MRPL54: variants seen among roughly 807,000 people sequenced by gnomAD.
MRPL54 encodes the protein mitochondrial ribosomal protein L54.
MRPL54 carries 12 observed loss-of-function variants against 15.6 expected under a neutral mutation model. The observed-to-expected ratio is 0.77, with a 90% CI of 0.49 to 1.24. The LOEUF (loss-of-function observed/expected upper bound fraction) is 1.24, where lower values mean the gene tolerates loss of function less well. Ranked by LOEUF, MRPL54 falls within the 50% of genes most tolerant of loss-of-function variation. The pLI is 0.00. For missense variants in MRPL54, 178 were observed against 186.8 expected (o/e 0.95, Z 0.28); for synonymous variants, 91 against 75.7 (o/e 1.20, Z -1.05).
rs180789193 is a variant in MRPL54 at position 3,764,945 on chromosome 19, T to G, written c.119-221T>G. Among the ~76,000 whole-genome samples the G allele has an allele frequency of 5.2e-3, 789 of 151,712 alleles. 3 individuals are homozygous for G. Among genetic ancestry groups the G allele is most frequent in the African/African-American group, 0.013 (556 of 41,386 alleles). ...TGGGAGGCTGAGGCAGGAGAATGGC[T>G]TGAACCCGGGAGGCGGAGCTTGCAG... On this transcript the variant is annotated intron_variant, in intron 1 of 2. Transcript: ENST00000330133.
intron 1 of MRPL54, among the ~76,000 whole-genome samples, 199 bp downstream of exon 1, chr19:3,763,017 G>T (rs1462806847): frequency 6.6e-6 from 1 of 152,264 alleles, no homozygotes; most frequent in African/African-American, 2.4e-5. Flanking sequence ...ATACTGTAGC[G>T]ATTGGACCCA....
Position 3,767,450 on chromosome 19 carries a change from G to T in MRPL54, c.*57G>T, listed in dbSNP as rs2037208358. 6.3e-7 allele frequency: 1 copy of T among 1,589,480 alleles called. No individual in the cohort carries two copies. Among genetic ancestry groups the T allele is most frequent in the Non-Finnish European group, 8.5e-7 (1 of 1,172,968 alleles). On this transcript the variant is annotated 3_prime_UTR_variant, in exon 3 of 3. Transcript: ENST00000330133. ...CCGAGGGCTTGCCGTTTTCCCGGAG[G>T]ACGTGGACTTTTGTGAGACAAGAGG...
chr19:3,767,457 A>G lies in MRPL54; in HGVS notation c.*64A>G, dbSNP rs1428866505. The G allele has an allele frequency of 3.2e-6, 5 of 1,585,544 alleles. No homozygotes were observed. Among genetic ancestry groups the G allele is most frequent in the Non-Finnish European group, 4.3e-6 (5 of 1,171,348 alleles). ...CTTGCCGTTTTCCCGGAGGACGTGG[A>G]CTTTTGTGAGACAAGAGGCGGCTCC... On this transcript the variant is annotated 3_prime_UTR_variant, in exon 3 of 3. Coordinates refer to ENST00000330133, the MANE Select transcript of MRPL54 (RefSeq NM_172251.3).
chr19:3,764,202 C>T (rs2145730906), intron 1 of MRPL54, among the ~76,000 whole-genome samples: 1 of 151,938 alleles, frequency 6.6e-6, no homozygotes, highest in Non-Finnish European at 1.5e-5. Context: ...CCTGCCTCAG[C>T]CTCCCAAGTA....
At chr19:3,763,642 G>A (rs370633436) in intron 1 of MRPL54, among the ~76,000 whole-genome samples, 2 of 151,010 alleles carry the variant, frequency 1.3e-5, no homozygotes, top group Non-Finnish European at 2.9e-5. Flanking sequence ...TGCCTGGCGC[G>A]GTAGCTCACG....
intron 2 of MRPL54, among the ~76,000 whole-genome samples, chr19:3,766,321 C>T (rs575446046): frequency 1.4e-4 from 21 of 152,242 alleles, no homozygotes; most frequent in Admixed American, 1.0e-3. Flanking sequence ...CCTCGTGATC[C>T]GCCTGCCCTG....
At chr19:3,764,369 C>T (rs1187456160) in intron 1 of MRPL54, among the ~76,000 whole-genome samples, 7 of 151,848 alleles carry the variant, frequency 4.6e-5, no homozygotes, top group African/African-American at 1.2e-4. Flanking sequence ...AGGCGTGAGC[C>T]GCCGCGCCCG....
chr19:3,765,403 G>A, intron 2 of MRPL54, 72 bp downstream of exon 2: 3 of 1,552,244 alleles, frequency 1.9e-6, no homozygotes, highest in Non-Finnish European at 2.6e-6. Flanking sequence ...CCTTCCCGGA[G>A]AGGCGGATCG....
chr19:3,763,455 T>A (rs2037169969), intron 1 of MRPL54, among the ~76,000 whole-genome samples: 1 of 152,134 alleles, frequency 6.6e-6, no homozygotes, highest in African/African-American at 2.4e-5. Flanking sequence ...TTAAAGTTAC[T>A]TAATGCTGTG....
intron 1 of MRPL54, among the ~76,000 whole-genome samples, chr19:3,764,810 C>T (rs1568398257): frequency 1.3e-5 from 2 of 151,738 alleles, no homozygotes; most frequent in African/African-American, 2.4e-5. Flanking sequence ...GGGCAGATCA[C>T]GAGGTCAGGA....
chr19:3,762,692 C>T lies in MRPL54; in HGVS notation c.-9C>T. 6.2e-7 allele frequency: 1 copy of T among 1,610,430 alleles called. No individual in the cohort carries two copies. The highest frequency in any genetic ancestry group is 1.1e-5 in the South Asian group (1 of 90,912). On this transcript the variant is annotated 5_prime_UTR_variant, in exon 1 of 3. Coordinates refer to ENST00000330133, the MANE Select transcript of MRPL54 (RefSeq NM_172251.3). ...GAAACGTGCACTTGCAAGCTGCCCG[C>T]AATACGTCATGGCGACCAAACGCCT... is the stretch of plus-strand genomic sequence containing the variant.
intron 1 of MRPL54, among the ~76,000 whole-genome samples, chr19:3,763,415 G>C (rs1017863168): frequency 3.3e-5 from 5 of 152,258 alleles, no homozygotes; most frequent in African/African-American, 1.2e-4. Flanking sequence ...CCAAGCATCG[G>C]TGTTACTTAA....
rs113120877 is a variant in MRPL54, at chr19:3,767,485, A to G, written c.*92A>G. 1 of 1,539,842 alleles carries G rather than the reference A, an allele frequency of 6.5e-7. No homozygotes were observed. On this transcript the variant is annotated 3_prime_UTR_variant, in exon 3 of 3. Transcript: ENST00000330133. ...TTTGTGAGACAAGAGGCGGCTCCCC[A>G]GCCTGGGTTTCCATGTGACCCCACA...
chr19:3,762,878 C>G, intron 1 of MRPL54, 60 bp downstream of exon 1: 1 of 1,339,290 alleles, frequency 7.5e-7, no homozygotes, highest in Non-Finnish European at 1.0e-6. Context: ...ATTGACAGTG[C>G]GCAGGCGGTG....
At chr19:3,764,660 C>T (rs549428787) in intron 1 of MRPL54, among the ~76,000 whole-genome samples, 1 of 151,544 alleles carries the variant, frequency 6.6e-6, no homozygotes, top group Non-Finnish European at 1.5e-5. Context: ...AGGTGATCTT[C>T]CCACCTCGGC....
At position 3,762,773 on chromosome 19, in the gene MRPL54, G is replaced by A. The variant is rs142303315; in HGVS notation, c.73G>A (p.Ala25Thr). The change falls in exon 1 of 3, where the codon GCC becomes ACC. Residue 25 changes from alanine to threonine, a missense_variant. Transcript: ENST00000330133. ...GWGAWELLNP[A>T]TSGRLLARDY... The stretch of plus-strand genomic sequence containing the variant: ...GGGGGCCTGGGAGCTCCTAAACCCC[G>A]CCACTTCCGGAAGACTCCTGGCCCG... The A allele has an allele frequency of 8.3e-4, 1,327 of 1,606,880 alleles. 21 individuals are homozygous for A. The South Asian group carries it at 0.013, about 15-fold the overall frequency.
At position 3,762,945 on chromosome 19, in the gene MRPL54, G is replaced by A. The variant is rs192373933; in HGVS notation, c.118+127G>A. 4.2e-4 allele frequency: 330 copies of A among 779,600 alleles called. 3 individuals are homozygous for A. The East Asian group carries it at 7.7e-3, about 18-fold the overall frequency. 48.3% of individuals were successfully genotyped at this position (779,600 alleles called of 1,614,324 possible). A position where few individuals can be genotyped will look rare whatever the true frequency, so the allele number is the denominator to read the frequency against. ...AGCGCAGAGAGGCGGATGCCAGGCT[G>A]TATGCGCAGGCGCAGTTTGAGGGAC... On this transcript the variant is annotated intron_variant, in intron 1 of 2. Coordinates refer to ENST00000330133, the MANE Select transcript of MRPL54 (RefSeq NM_172251.3).
At chr19:3,766,482 G>A (rs1001562234) in intron 2 of MRPL54, among the ~76,000 whole-genome samples, 1 of 152,208 alleles carries the variant, frequency 6.6e-6, no homozygotes, top group African/African-American at 2.4e-5. Flanking sequence ...CCAAAGTGCT[G>A]GGAGTACAGG....
At chr19:3,764,277 A>G (rs969408777) in intron 1 of MRPL54, among the ~76,000 whole-genome samples, 8 of 150,888 alleles carry the variant, frequency 5.3e-5, no homozygotes, top group Middle Eastern at 3.4e-3. Flanking sequence ...TAGAGATGGA[A>G]TTTCACCATG....
Sources: gnomAD v4.1 joint callset for allele counts (sites outside exome capture counted in the v4.1 genomes callset) on GRCh38, gnomAD v4.1.1 for gene constraint, MANE v1.5 for transcripts, NCBI Gene and HGNC (gene_info 2026-07-23, HGNC 2026-07-21) for gene names.